Variants in KCNK2 observed in about 807,000 individuals in gnomAD.
The protein encoded by KCNK2 is potassium channel subfamily K member 2.
Under a neutral mutation model 40.5 loss-of-function variants are expected in KCNK2, and 21 were observed. The observed-to-expected ratio is 0.52, with a 90% CI of 0.37 to 0.75. The LOEUF (loss-of-function observed/expected upper bound fraction) is 0.75. Among genes scored for constraint, KCNK2 ranks in the 30% least tolerant of loss-of-function variants. The probability of loss-of-function intolerance (pLI) is 0.00; values close to 1 mark genes in which losing one functional copy is unlikely to be tolerated. For missense variants in KCNK2, 399 were observed against 531.6 expected, an observed-to-expected ratio of 0.75 and a Z score of 2.45; for synonymous variants, 191 against 202.2, an observed-to-expected ratio of 0.94 and a Z score of 0.47.
chr1:215,229,866 TCTGCA>T (rs1208084120), intron 6 of KCNK2, among the ~76,000 whole-genome samples: 1 of 151,758 alleles, frequency 6.6e-6, no homozygotes, highest in Non-Finnish European at 1.5e-5. Context: ...ATGAATTTGC[TCTGCA>T]CTCCTCTAAA....
intron 6 of KCNK2, among the ~76,000 whole-genome samples, chr1:215,231,544 A>G (rs1368519024): frequency 6.6e-6 from 1 of 152,120 alleles, no homozygotes; most frequent in Non-Finnish European, 1.5e-5. Flanking sequence ...ACTTCACAGG[A>G]GAAACTGAGG....
At chr1:215,028,258 G>T (rs1341927859) in intron 1 of KCNK2, among the ~76,000 whole-genome samples, 1 of 152,000 alleles carries the variant, frequency 6.6e-6, no homozygotes, top group Non-Finnish European at 1.5e-5. Context: ...GTGGTGGCGG[G>T]TCTGTAATCC....
At chr1:215,013,580 A>G (rs144826845) in intron 1 of KCNK2, among the ~76,000 whole-genome samples, 107 of 152,216 alleles carry the variant, frequency 7.0e-4, no homozygotes, top group African/African-American at 2.3e-3. Context: ...CTCTTCCTCA[A>G]TTTCTCCTAT....
At chr1:215,230,546 C>CATAAAAGCCATATATATATATATATATAT (rs1558150367) in intron 6 of KCNK2, among the ~76,000 whole-genome samples, 1 of 115,390 alleles carries the variant, frequency 8.7e-6, no homozygotes, top group African/African-American at 4.0e-5. Flanking sequence ...TATATATACA[C>CATAAAAGCCATATATATATATATATATAT]ACACATAACA....
At chr1:215,144,137 G>C (rs552759656) in intron 3 of KCNK2, among the ~76,000 whole-genome samples, 2 of 152,222 alleles carry the variant, frequency 1.3e-5, no homozygotes, top group South Asian at 4.1e-4. Context: ...TTTTAAAAAT[G>C]TAAACATATG....
chr1:215,229,358 A>G (rs961277315), intron 6 of KCNK2, among the ~76,000 whole-genome samples: 37 of 152,036 alleles, frequency 2.4e-4, no homozygotes, highest in Admixed American at 4.6e-4. Flanking sequence ...ATAATAGTAG[A>G]AAGGGTACAA....
intron 6 of KCNK2, among the ~76,000 whole-genome samples, chr1:215,222,692 T>C (rs868830294): frequency 6.6e-6 from 1 of 151,822 alleles, no homozygotes; most frequent in Non-Finnish European, 1.5e-5. Flanking sequence ...CATCATGTAC[T>C]GTTCTGTCAA....
chr1:215,007,182 TG>T (rs777411918), intron 1 of KCNK2, among the ~76,000 whole-genome samples: 1 of 59,148 alleles, frequency 1.7e-5, no homozygotes, highest in South Asian at 6.2e-4. Context: ...TGTATGTGTG[TG>T]GGTATATATA....
chr1:215,205,611 G>A (rs1665284010), intron 6 of KCNK2, among the ~76,000 whole-genome samples: 1 of 152,138 alleles, frequency 6.6e-6, no homozygotes, highest in Non-Finnish European at 1.5e-5. Context: ...ATTACCATAG[G>A]AGATCATGGA....
intron 1 of KCNK2, among the ~76,000 whole-genome samples, chr1:215,026,270 A>G (rs370597174): frequency 1.1e-4 from 16 of 152,140 alleles, no homozygotes; most frequent in South Asian, 2.1e-4. Flanking sequence ...TGTCATCTGC[A>G]TTGCAAACAT....
intron 5 of KCNK2, among the ~76,000 whole-genome samples, chr1:215,189,270 T>C (rs971996026): frequency 1.3e-5 from 2 of 152,128 alleles, no homozygotes; most frequent in Non-Finnish European, 2.9e-5. Flanking sequence ...TGTAAAAACA[T>C]GTGGAGAAAA....
intron 1 of KCNK2, among the ~76,000 whole-genome samples, chr1:215,030,444 T>C (rs1310768922): frequency 1.3e-5 from 2 of 152,206 alleles, no homozygotes. Context: ...TTATGGATTG[T>C]GCCTTTGGTG....
At chr1:215,209,424 T>TATATATTATAAATATAAA (rs1478392800) in intron 6 of KCNK2, among the ~76,000 whole-genome samples, 1 of 54,886 alleles carries the variant, frequency 1.8e-5, no homozygotes, top group Non-Finnish European at 2.9e-5. Flanking sequence ...TTATATATAA[T>TATATATTATAAATATAAA]ATATATAATA....
intron 5 of KCNK2, among the ~76,000 whole-genome samples, chr1:215,186,410 T>C (rs750641248): frequency 6.6e-6 from 1 of 152,144 alleles, no homozygotes; most frequent in Non-Finnish European, 1.5e-5. Flanking sequence ...AAAGAAAATA[T>C]GAAAACTCCT....
chr1:215,169,003 T>C (rs922940130), intron 3 of KCNK2, among the ~76,000 whole-genome samples, 196 bp from the exon 4 acceptor site: 4 of 152,188 alleles, frequency 2.6e-5, no homozygotes, highest in African/African-American at 7.2e-5. Flanking sequence ...CTATACTTTG[T>C]ATATTTTTGA....
Position 215,083,233 on chromosome 1 carries a change from C to T in KCNK2, c.-153C>T. 1 of 1,607,406 alleles carries T rather than the reference C, an allele frequency of 6.2e-7. No homozygotes were observed. The highest frequency in any genetic ancestry group is 8.5e-7 in the Non-Finnish European group (1 of 1,177,160). ...CCTCCCGCGTCCAGCCCCGCTCTCC[C>T]CACCTTGTAAAACAAAGCCGGGGAA... On this transcript the variant is annotated 5_prime_UTR_variant, in exon 1 of 7. Coordinates refer to ENST00000444842, the MANE Select transcript of KCNK2 (RefSeq NM_001017425.3).
At chr1:215,115,435 A>G (rs562337679) in intron 2 of KCNK2, among the ~76,000 whole-genome samples, 2 of 152,266 alleles carry the variant, frequency 1.3e-5, no homozygotes, top group South Asian at 4.1e-4. Context: ...CAGTTTAGAA[A>G]TTCAGGCCTT....
In KCNK2 at chr1:215,007,183, GGGTATATA is replaced by G. The variant is rs1160136119; in HGVS notation, c.34+1229_34+1236del. Among the ~76,000 whole-genome samples the G allele has an allele frequency of 9.9e-3, 829 of 83,594 alleles. 33 individuals carry two copies. Among genetic ancestry groups the G allele is most frequent in the Non-Finnish European group, 0.014 (565 of 41,644 alleles). The allele number at this position is 83,594 out of a possible 152,430, so 54.8% of individuals were successfully genotyped here. On this transcript the variant is annotated intron_variant, in intron 1 of 6. Transcript: ENST00000391895. ...TATGTATATATATATGTATGTGTGT[GGGTATATA>G]TATATATATATATATATATATATAT...
intron 1 of KCNK2, chr1:215,083,644 G>T: frequency 1.7e-6 from 1 of 605,322 alleles, no homozygotes; most frequent in Non-Finnish European, 2.9e-6. Flanking sequence ...CCGGTGCCCG[G>T]GGTTTTTGCA....
Sources: gnomAD v4.1 joint callset for allele counts (sites outside exome capture counted in the v4.1 genomes callset) on GRCh38, gnomAD v4.1.1 for gene constraint, MANE v1.5 for transcripts, NCBI Gene and HGNC (gene_info 2026-07-23, HGNC 2026-07-21) for gene names.